CAST: variants seen among roughly 807,000 people sequenced by gnomAD.
CAST encodes the protein MIR583 host.
Under a neutral mutation model 119.6 loss-of-function variants are expected in CAST, and 76 were observed. The observed-to-expected ratio is 0.64, with a 90% CI of 0.53 to 0.77. The LOEUF (loss-of-function observed/expected upper bound fraction) is 0.77. Among genes scored for constraint, CAST ranks in the 30% least tolerant of loss-of-function variants. The pLI is 0.00. For synonymous variants in CAST, 319 were observed against 331.6 expected (o/e 0.96, Z 0.41); for missense variants, 953 against 946.5 (o/e 1.01, Z -0.09).
chr5:96,494,207 A>G, the CAST span, among the ~76,000 whole-genome samples: 1 of 152,214 alleles, frequency 6.6e-6, no homozygotes, highest in African/African-American at 2.4e-5. Context: ...CTCAGAGGCG[A>G]TGAACTACCT....
At chr5:96,752,155 GAAA>G (rs1765200979) in intron 20 of CAST, among the ~76,000 whole-genome samples, 1 of 152,148 alleles carries the variant, frequency 6.6e-6, no homozygotes, top group Non-Finnish European at 1.5e-5. Flanking sequence ...ATTTATTAAG[GAAA>G]CCCAGAGACC....
At chr5:96,343,808 T>G in the CAST span, among the ~76,000 whole-genome samples, 1 of 152,236 alleles carries the variant, frequency 6.6e-6, no homozygotes, top group South Asian at 2.1e-4. Flanking sequence ...GATCAAACAC[T>G]GTATTTAAAA....
At chr5:96,369,260 A>G in the CAST span, among the ~76,000 whole-genome samples, 1 of 151,270 alleles carries the variant, frequency 6.6e-6, no homozygotes, top group Admixed American at 6.6e-5. Flanking sequence ...TTCATTTTTT[A>G]TTCTCCAAAT....
At chr5:96,162,669 C>T in the CAST span, among the ~76,000 whole-genome samples, 16 of 152,136 alleles carry the variant, frequency 1.1e-4, no homozygotes, top group African/African-American at 3.6e-4. Context: ...CCATCCGCCT[C>T]AGCTTCCCAA....
At chr5:96,525,355 G>T (rs1745581337), upstream of CAST, 1 of 152,156 alleles carries the variant, frequency 6.6e-6, no homozygotes, top group Non-Finnish European at 1.5e-5. Flanking sequence ...GCTTCTTACA[G>T]ATTTATATGC....
chr5:96,561,017 C>T (rs958769299), intron 1 of CAST, among the ~76,000 whole-genome samples: 1 of 152,094 alleles, frequency 6.6e-6, no homozygotes, highest in Non-Finnish European at 1.5e-5. Flanking sequence ...GAATACTATG[C>T]AGCCATAAAA....
the CAST span, among the ~76,000 whole-genome samples, chr5:96,073,549 C>T: frequency 2.6e-5 from 4 of 152,116 alleles, 1 homozygote; most frequent in Admixed American, 6.5e-5. Context: ...TCCTTGAAGA[C>T]AATTTTTCCA....
At chr5:96,741,450 CT>C in intron 14 of CAST, 43 bp from the exon 15 acceptor site, 1 of 1,524,398 alleles carries the variant, frequency 6.6e-7, no homozygotes, top group Non-Finnish European at 9.1e-7. Context: ...TACAGTTAAA[CT>C]TTCCTCATCT....
chr5:96,410,625 A>G, the CAST span: 5,432 of 720,856 alleles, frequency 7.5e-3, 213 homozygotes, highest in African/African-American at 0.083. Flanking sequence ...GATGGATGCC[A>G]GCCTTTCAAG....
At chr5:96,769,687 C>T (rs556035314) in intron 29 of CAST, 2 of 152,046 alleles carry the variant, frequency 1.3e-5, no homozygotes, top group South Asian at 4.2e-4. Context: ...TACACTTGTT[C>T]ATTCTGCATA....
the CAST span, chr5:96,421,753 G>A: frequency 1.4e-6 from 1 of 733,032 alleles, no homozygotes; most frequent in Non-Finnish European, 2.5e-6. Flanking sequence ...AAAATATTGT[G>A]GTATGGATGT....
the CAST span, among the ~76,000 whole-genome samples, chr5:96,265,304 T>G: frequency 6.6e-6 from 1 of 151,910 alleles, no homozygotes; most frequent in Non-Finnish European, 1.5e-5. Context: ...AATATATATA[T>G]TTTTAATTTA....
the CAST span, chr5:96,392,615 C>G: frequency 4.7e-6 from 1 of 211,044 alleles, no homozygotes; most frequent in South Asian, 8.5e-5. Context: ...GTTTCTGACT[C>G]CTTCTCATTC....
At chr5:96,364,921 G>A in the CAST span, among the ~76,000 whole-genome samples, 1 of 152,188 alleles carries the variant, frequency 6.6e-6, no homozygotes, top group Non-Finnish European at 1.5e-5. Flanking sequence ...ATGTTAGGGT[G>A]TCAATTTTAG....
chr5:96,303,140 A>G, the CAST span, among the ~76,000 whole-genome samples: 1 of 152,214 alleles, frequency 6.6e-6, no homozygotes, highest in Non-Finnish European at 1.5e-5. Context: ...AAGCTGGCAC[A>G]TCCTACATGG....
intron 3 of CAST, among the ~76,000 whole-genome samples, chr5:96,716,935 G>T (rs1055147494): frequency 6.6e-6 from 1 of 152,146 alleles, no homozygotes; most frequent in Non-Finnish European, 1.5e-5. Flanking sequence ...ATGGAGTCCC[G>T]GCCACTTAGC....
intron 1 of CAST, 48 bp downstream of exon 1, chr5:96,662,545 G>A: frequency 7.5e-7 from 1 of 1,334,378 alleles, no homozygotes; most frequent in Non-Finnish European, 9.5e-7. Flanking sequence ...ATGGGGTACC[G>A]GGTCCCGGAG....
chr5:96,500,897 A>C, the CAST span, among the ~76,000 whole-genome samples: 2 of 152,232 alleles, frequency 1.3e-5, no homozygotes, highest in African/African-American at 4.8e-5. Context: ...ACAATGTCAG[A>C]TCATGTTGAC....
At chr5:96,201,789 A>C in the CAST span, among the ~76,000 whole-genome samples, 1 of 152,206 alleles carries the variant, frequency 6.6e-6, no homozygotes, top group East Asian at 1.9e-4. Context: ...AAAGTGTCAC[A>C]GTGCATCCCC....
Sources: allele counts gnomAD v4.1 joint callset (sites outside exome capture counted in the v4.1 genomes callset), GRCh38; gene constraint gnomAD v4.1.1; transcripts MANE v1.5; gene names NCBI Gene and HGNC (gene_info 2026-07-23, HGNC 2026-07-21).